Variants in DLEC1 observed in about 807,000 individuals in gnomAD.
DLEC1 encodes deleted in lung and esophageal cancer protein 1.
DLEC1 carries 146 observed loss-of-function variants against 198.1 expected under a neutral mutation model. The observed-to-expected ratio is 0.74, with a 90% CI of 0.64 to 0.85. The LOEUF (loss-of-function observed/expected upper bound fraction) is 0.85, where lower values mean the gene tolerates loss of function less well. DLEC1 is among the 40% of genes least tolerant of loss of function. DLEC1 has a pLI of 0.00. For synonymous variants in DLEC1, 897 were observed against 866.8 expected (o/e 1.03, Z -0.61); for missense variants, 2,233 against 2,220.0 (o/e 1.01, Z -0.12).
chr3:38,082,599 GC>G (rs1424363176), intron 6 of DLEC1, among the ~76,000 whole-genome samples: 1 of 152,144 alleles, frequency 6.6e-6, no homozygotes, highest in South Asian at 2.1e-4. Context: ...GGGGGTTCTT[GC>G]CCCCTAGAAA....
intron 5 of DLEC1, 90 bp downstream of exon 5, chr3:38,062,891 C>G: frequency 7.3e-7 from 1 of 1,379,118 alleles, no homozygotes; most frequent in Non-Finnish European, 9.9e-7. Flanking sequence ...TGTAGAGGTC[C>G]CTAGACTTGT....
chr3:38,103,730 GGCTATT>G (rs2125709968), intron 19 of DLEC1: 1 of 152,280 alleles, frequency 6.6e-6, no homozygotes, highest in Admixed American at 6.5e-5. Flanking sequence ...AAGACTTAGA[GGCTATT>G]GTAGGGTTAT....
Position 38,117,985 on chromosome 3 carries a change from G to A in DLEC1, c.4665G>A (p.Ala1555=), listed in dbSNP as rs368927522. The A allele has an allele frequency of 2.7e-5, 44 of 1,612,644 alleles. No individual in the cohort carries two copies. The Middle Eastern group carries it at 8.5e-4, about 31-fold the overall frequency. ...KQECEEETAS[A]DKQLVLQAQE... ...AGTGTGAGGAGGAGACAGCCTCAGC[G>A]GACAAGCAGCTGGTGCTCCAAGCAC... Residue 1555 remains alanine, a synonymous_variant, in exon 33 of 37, where the codon GCG becomes GCA. Transcript: ENST00000308059.
At position 38,094,866 on chromosome 3, in the gene DLEC1, G is replaced by C; in HGVS notation, c.1920-13G>C. The C allele has an allele frequency of 6.2e-7, 1 of 1,612,592 alleles. No homozygotes were observed. Reference sequence around the variant, plus strand: ...AGAACTGGGACATGGCCTTGGATGCGTTGCCCCCACAGGCACGTGGAGCTG... The same window carrying C: ...AGAACTGGGACATGGCCTTGGATGCCTTGCCCCCACAGGCACGTGGAGCTG... On this transcript the variant is annotated splice_polypyrimidine_tract_variant and intron_variant, in intron 12 of 36. Transcript: ENST00000308059.
At chr3:38,053,999 G>T (rs1696198894) in intron 2 of DLEC1, among the ~76,000 whole-genome samples, 2 of 152,082 alleles carry the variant, frequency 1.3e-5, no homozygotes, top group African/African-American at 4.8e-5. Context: ...AAGGCAGCAT[G>T]CTCCTTAAGA....
chr3:38,098,874 A>G (rs1699165290), intron 18 of DLEC1, among the ~76,000 whole-genome samples: 1 of 152,150 alleles, frequency 6.6e-6, no homozygotes, highest in Admixed American at 6.5e-5. Context: ...CAAATTGCCA[A>G]CGCCATTGCC....
intron 1 of DLEC1, among the ~76,000 whole-genome samples, chr3:38,044,108 A>G (rs755412090): frequency 7.2e-5 from 11 of 152,108 alleles, no homozygotes; most frequent in Non-Finnish European, 1.3e-4. Flanking sequence ...TTAGCTGGAT[A>G]TGGTGGTGTA....
intron 33 of DLEC1, among the ~76,000 whole-genome samples, chr3:38,118,381 C>T (rs995316094): frequency 6.6e-6 from 1 of 152,200 alleles, no homozygotes; most frequent in Non-Finnish European, 1.5e-5. Flanking sequence ...ACACAGACTC[C>T]GTCCTCCTGT....
intron 6 of DLEC1, among the ~76,000 whole-genome samples, chr3:38,079,058 A>G (rs1241541710): frequency 2.6e-5 from 4 of 152,050 alleles, no homozygotes; most frequent in South Asian, 2.1e-4. Context: ...GGTTTTAATG[A>G]GATGGTAAGG....
chr3:38,121,000 A>G (rs1700424081), intron 34 of DLEC1, among the ~76,000 whole-genome samples: 1 of 151,948 alleles, frequency 6.6e-6, no homozygotes, highest in Admixed American at 6.5e-5. Flanking sequence ...GCCAGGCTTC[A>G]AGCACCAGGG....
chr3:38,110,183 G>C lies in DLEC1; in HGVS notation c.3345G>C (p.Gln1115His). 1 of 1,614,232 alleles carries C rather than the reference G, an allele frequency of 6.2e-7. No homozygotes were observed. The change falls in exon 23 of 37, where the codon CAG becomes CAC. Residue 1115 changes from glutamine to histidine, a missense_variant. By Grantham distance (24) the Gln-to-His change is conservative. Coordinates refer to ENST00000308059, the MANE Select transcript of DLEC1 (RefSeq NM_007335.4). ...AVPLRTRVTR[Q>H]LILTNRSPIR... ...CACTGAGGACCCGTGTGACTCGCCAGCTCATTCTCACCAATCGCTCCCCAA... is the reference window on the plus strand; with the variant it reads ...CACTGAGGACCCGTGTGACTCGCCACCTCATTCTCACCAATCGCTCCCCAA...
At chr3:38,115,338 C>T (rs900822085) in intron 27 of DLEC1, among the ~76,000 whole-genome samples, 1 of 152,210 alleles carries the variant, frequency 6.6e-6, no homozygotes, top group Non-Finnish European at 1.5e-5. Flanking sequence ...GACAGGACAG[C>T]AGGGTTTCTG....
intron 2 of DLEC1, among the ~76,000 whole-genome samples, chr3:38,046,615 A>C (rs1333167207): frequency 7.2e-5 from 11 of 152,210 alleles, no homozygotes; most frequent in African/African-American, 2.4e-4. Flanking sequence ...CAGTATGAAA[A>C]TGGACTAATA....
chr3:38,092,690 A>G, intron 10 of DLEC1, 100 bp from the exon 11 acceptor site: 1 of 1,071,604 alleles, frequency 9.3e-7, no homozygotes, highest in Non-Finnish European at 1.4e-6. Context: ...GAGAGTGAAG[A>G]GCAAAGAAAG....
chr3:38,045,717 G>A, intron 2 of DLEC1, 24 bp downstream of exon 2: 1 of 1,586,290 alleles, frequency 6.3e-7, no homozygotes, highest in Non-Finnish European at 8.6e-7. Context: ...ACTCCCACAT[G>A]CCTGCCCAAT....
chr3:38,104,351 G>A (rs1340516429), intron 19 of DLEC1, among the ~76,000 whole-genome samples: 1 of 152,196 alleles, frequency 6.6e-6, no homozygotes, highest in African/African-American at 2.4e-5. Flanking sequence ...CAGCTACTCG[G>A]GAGGCTGAGG....
In DLEC1 at chr3:38,115,013, A is replaced by T. The variant is rs765874265; in HGVS notation, c.3816A>T (p.Thr1272=). 1.9e-6 allele frequency: 3 copies of T among 1,613,996 alleles called. No homozygotes were observed. Among genetic ancestry groups the T allele is most frequent in the Admixed American group, 3.3e-5 (2 of 60,004 alleles). ...RFGTQVSGGD[T]VTRTLRLNNS... ...GCACCCAGGTCTCCGGAGGAGACAC[A>T]GTTACCCGAACCCTTCGCCTGAATA... The change falls in exon 27 of 37, where the codon ACA becomes ACT. Residue 1272 remains threonine, a synonymous_variant. Transcript: ENST00000308059.
chr3:38,072,778 G>A (rs144082691), intron 6 of DLEC1, among the ~76,000 whole-genome samples: 2 of 152,176 alleles, frequency 1.3e-5, no homozygotes, highest in Non-Finnish European at 2.9e-5. Flanking sequence ...GGGAGAGCAC[G>A]TGTGTTTTTA....
chr3:38,120,437 C>T lies in DLEC1; in HGVS notation c.4705-11C>T. 1.2e-6 allele frequency: 2 copies of T among 1,614,110 alleles called. No individual in the cohort carries two copies. The highest frequency in any genetic ancestry group is 2.2e-5 in the East Asian group (1 of 44,888). ...GCAGCCGGAGTTGACACCATGTCCA[C>T]ATCTGCTCAGGTGAACGTGTCCTTC... is the stretch of plus-strand genomic sequence containing the variant. On this transcript the variant is annotated splice_polypyrimidine_tract_variant and intron_variant, in intron 33 of 36. Coordinates refer to ENST00000308059, the MANE Select transcript of DLEC1 (RefSeq NM_007335.4).
Sources: gnomAD v4.1 joint callset for allele counts (sites outside exome capture counted in the v4.1 genomes callset) on GRCh38, gnomAD v4.1.1 for gene constraint, MANE v1.5 for transcripts, NCBI Gene and HGNC (gene_info 2026-07-23, HGNC 2026-07-21) for gene names.